BTNL2: variants seen among roughly 807,000 people sequenced by gnomAD.
The protein encoded by BTNL2 is butyrophilin-like protein 2.
In BTNL2, 46 loss-of-function variants were observed where a neutral mutation model predicts 46.8. The ratio of observed to expected loss-of-function variants is 0.98; its 90% CI spans 0.78 to 1.26. BTNL2 has a LOEUF of 1.26. Among genes scored for constraint, BTNL2 ranks in the 50% most tolerant of loss-of-function variants. BTNL2 has a pLI of 0.00. For synonymous variants in BTNL2, 226 were observed against 229.1 expected (o/e 0.99, Z 0.12); for missense variants, 461 against 592.6 (o/e 0.78, Z 2.31).
Position 32,400,594 on chromosome 6 carries a change from A to G in BTNL2, c.730+1191T>C, listed in dbSNP as rs9391859. Among the ~76,000 whole-genome samples, 417 of 152,058 alleles carry G rather than the reference A, an allele frequency of 2.7e-3. 16 individuals are homozygous for G. In the East Asian group the frequency reaches 0.079, roughly 29 times the overall value. ...TCAGGTGCAGCAAAATAATACCCTC[A>G]GTCCAACTCCGAGATTTAAAAAACA... On this transcript the variant is annotated intron_variant, in intron 4 of 7. Coordinates refer to ENST00000454136, the MANE Select transcript of BTNL2 (RefSeq NM_001304561.2).
At chr6:32,401,165 G>A (rs187095086) in intron 4 of BTNL2, among the ~76,000 whole-genome samples, 2,569 of 119,438 alleles carry the variant, frequency 0.022, 69 homozygotes, top group South Asian at 0.072. Context: ...CCAAGATCGC[G>A]CCACTGCACT....
In BTNL2 at chr6:32,404,939, C is replaced by T. The variant is rs755843128; in HGVS notation, c.427G>A (p.Gly143Ser). 3.3e-5 allele frequency: 53 copies of T among 1,611,370 alleles called. No individual in the cohort carries two copies. The highest frequency in any genetic ancestry group is 4.0e-5 in the Non-Finnish European group (47 of 1,178,602). ...CCTGTGTCTTTCCCCAGATATTCAC[C>T]TGCTACTTTGAGCAGCAAGCTTGTT... ...GETSLLLKVA[G>S]LGSAPSIHME... is the part of the protein sequence containing the mutation. Residue 143 changes from glycine to serine, a missense_variant and splice_region_variant, in exon 2 of 8, where the codon GGT becomes AGT. Gly to Ser is a moderately conservative substitution (Grantham distance 56). Transcript: ENST00000454136.
rs1483837244 is a variant in BTNL2, at chr6:32,394,436, T to C, written c.1360+308A>G. 6.6e-6 allele frequency among the ~76,000 whole-genome samples: 1 copy of C among 151,956 alleles called. No individual in the cohort carries two copies. The highest frequency in any genetic ancestry group is 1.5e-5 in the Non-Finnish European group (1 of 68,020). ...AGGGGGAAAACACAAAGTTCTGTAA[T>C]TTAATTGTTTTCACATCAGAAGAAG... On this transcript the variant is annotated intron_variant, in intron 6 of 7. Coordinates refer to ENST00000454136, the MANE Select transcript of BTNL2 (RefSeq NM_001304561.2). The surrounding 1 kb of genome is among the most constrained non-coding windows in gnomAD (Gnocchi z 4.6).
intron 3 of BTNL2, among the ~76,000 whole-genome samples, chr6:32,402,035 T>G (rs1391342625): frequency 1.3e-5 from 2 of 152,246 alleles, no homozygotes; most frequent in African/African-American, 4.8e-5. Flanking sequence ...CCCATGATTC[T>G]GTTGGTTTCT....
Position 32,394,096 on chromosome 6 carries a change from C to G in BTNL2, c.1361-39G>C. 6.5e-7 allele frequency: 1 copy of G among 1,547,058 alleles called. No homozygotes were observed. The highest frequency in any genetic ancestry group is 8.7e-7 in the Non-Finnish European group (1 of 1,144,708). On this transcript the variant is annotated intron_variant, in intron 6 of 7. Coordinates refer to ENST00000454136, the MANE Select transcript of BTNL2 (RefSeq NM_001304561.2). This position sits in a 1 kb window ranked among gnomAD's most constrained non-coding sequence, Gnocchi z 4.6. Reference sequence around the variant, plus strand: ...CCAAGAATCCCTTGAAACTGTGAAACTGGGACAATATTAAGATTGTACTTT... The same window carrying G: ...CCAAGAATCCCTTGAAACTGTGAAAGTGGGACAATATTAAGATTGTACTTT...
At chr6:32,402,896 C>CA in intron 3 of BTNL2, 39 bp downstream of exon 3, 6 of 1,597,610 alleles carry the variant, frequency 3.8e-6, no homozygotes, top group Non-Finnish European at 5.1e-6. Context: ...ACCTCTCCTG[C>CA]TGATCTGAGC....
chr6:32,404,266 G>C (rs572757804), intron 2 of BTNL2, among the ~76,000 whole-genome samples: 1 of 152,316 alleles, frequency 6.6e-6, no homozygotes, highest in East Asian at 1.9e-4. Flanking sequence ...AGTTAGCCCT[G>C]TCAGGGAATC....
chr6:32,406,694 CTA>C lies in BTNL2; in HGVS notation c.79+349_79+350del, dbSNP rs149474621. On this transcript the variant is annotated intron_variant, in intron 1 of 7. Coordinates refer to ENST00000454136, the MANE Select transcript of BTNL2 (RefSeq NM_001304561.2). ...AGCTGCATTTCTTGACCCCAAAGTA[CTA>C]GAGTGAATTAATAATTTAACGTGGT... 1,616 of 163,014 alleles carry C rather than the reference CTA, an allele frequency of 9.9e-3. 71 individuals carry two copies. The East Asian group carries it at 0.15, about 15-fold the overall frequency. 10.1% of individuals were successfully genotyped at this position (163,014 alleles called of 1,614,324 possible).
intron 2 of BTNL2, 150 bp downstream of exon 2, chr6:32,404,789 A>G (rs1777012610): frequency 2.7e-6 from 2 of 754,140 alleles, no homozygotes; most frequent in African/African-American, 3.5e-5. Flanking sequence ...AGACTCCAGA[A>G]CCACTTATTT....
At position 32,393,672 on chromosome 6, in the gene BTNL2, C is replaced by A. The variant is rs17202379; in HGVS notation, c.*7-283G>T. The A allele has an allele frequency of 0.1, 25,470 of 245,148 alleles. 1,770 individuals carry two copies. Among genetic ancestry groups the A allele is most frequent in the African/African-American group, 0.12 (5,542 of 44,348 alleles). The allele number at this position is 245,148 out of a possible 1,614,324, so 15.2% of individuals were successfully genotyped here. On this transcript the variant is annotated intron_variant, in intron 7 of 7. Transcript: ENST00000454136. This position sits in a 1 kb window ranked among gnomAD's most constrained non-coding sequence, Gnocchi z 4.8. Reference sequence around the variant, plus strand: ...TGAAAACAAGGATGGCTGTACTACTCACTTTTTTCTTCTTCTTCCCTAACC... The same window carrying A: ...TGAAAACAAGGATGGCTGTACTACTAACTTTTTTCTTCTTCTTCCCTAACC...
chr6:32,401,207 CAAAAAAAAAAAAAAAAAAAA>C (rs9279632), intron 4 of BTNL2, among the ~76,000 whole-genome samples: 6 of 38,918 alleles, frequency 1.5e-4, no homozygotes, highest in Admixed American at 4.8e-4. Flanking sequence ...GACTCCGTCT[CAAAAAAAAAAAAAAAAAAAA>C]AAAAAAAAAA....
At chr6:32,401,195 A>T (rs867516198) in intron 4 of BTNL2, among the ~76,000 whole-genome samples, 1 of 129,598 alleles carries the variant, frequency 7.7e-6, no homozygotes. Flanking sequence ...GCGACAGAGC[A>T]AGACTCCGTC....
Position 32,396,321 on chromosome 6 carries a change from T to G in BTNL2, c.796A>C (p.Thr266Pro). The change falls in exon 5 of 8, where the codon ACC becomes CCC. Residue 266 changes from threonine (T) to proline (P), a missense_variant. Physicochemically the swap from Thr to Pro is conservative, Grantham distance 38. Coordinates refer to ENST00000454136, the MANE Select transcript of BTNL2 (RefSeq NM_001304561.2). The surrounding 1 kb of genome is among the most constrained non-coding windows in gnomAD (Gnocchi z 4.4). ...LVRVGEDIQL[T>P]CYLSPKANAQ... ...TTCGCCTTGGGGGACAGGTAACAGG[T>G]TAGCTGTATATCTTCTCCCACTCTG... 1 of 1,612,758 alleles carries G rather than the reference T, an allele frequency of 6.2e-7. No individual in the cohort carries two copies. Among genetic ancestry groups the G allele is most frequent in the African/African-American group, 1.3e-5 (1 of 75,034 alleles).
Position 32,401,821 on chromosome 6 carries a change from G to C in BTNL2, c.710-16C>G. 1.9e-6 allele frequency: 3 copies of C among 1,604,036 alleles called. No homozygotes were observed. Among genetic ancestry groups the C allele is most frequent in the Non-Finnish European group, 2.6e-6 (3 of 1,175,412 alleles). ...TGGAGTTTCTCTGGAAAAAGAACAA[G>C]AATAACATATTAAGGAATTTGGTGT... On this transcript the variant is annotated splice_polypyrimidine_tract_variant and intron_variant, in intron 3 of 7. Transcript: ENST00000454136.
At chr6:32,401,379 T>C (rs1776776199) in intron 4 of BTNL2, among the ~76,000 whole-genome samples, 1 of 151,830 alleles carries the variant, frequency 6.6e-6, no homozygotes, top group Non-Finnish European at 1.5e-5. Flanking sequence ...AGGTGCTGGG[T>C]GCAACCCAGG....
intron 4 of BTNL2, among the ~76,000 whole-genome samples, chr6:32,400,745 T>TAAAAAAAAAAAA (rs55703731): frequency 7.3e-5 from 6 of 82,148 alleles, no homozygotes; most frequent in Non-Finnish European, 1.3e-4. Context: ...CCGTCTCTAC[T>TAAAAAAAAAAAA]AAAAAAAAAA....
At chr6:32,403,485 G>A (rs940146199) in intron 2 of BTNL2, among the ~76,000 whole-genome samples, 1 of 152,222 alleles carries the variant, frequency 6.6e-6, no homozygotes, top group African/African-American at 2.4e-5. Context: ...ATGACATTTT[G>A]CAACGCCTCT....
At chr6:32,402,880 C>T in intron 3 of BTNL2, 55 bp downstream of exon 3, 1 of 1,571,842 alleles carries the variant, frequency 6.4e-7, no homozygotes, top group South Asian at 1.1e-5. Context: ...TGGTGCAGTC[C>T]CTGGGACCTC....
chr6:32,396,752 G>A lies in BTNL2; in HGVS notation c.731-366C>T, dbSNP rs1346716228. Reference sequence around the variant, plus strand: ...TCCCAGCACTTTGGGAGGCCGAAGCGGGTGGATCACCAGAGGTCAGGAGTT... The same window carrying A: ...TCCCAGCACTTTGGGAGGCCGAAGCAGGTGGATCACCAGAGGTCAGGAGTT... On this transcript the variant is annotated intron_variant, in intron 4 of 7. Coordinates refer to ENST00000454136, the MANE Select transcript of BTNL2 (RefSeq NM_001304561.2). The surrounding 1 kb of genome is among the most constrained non-coding windows in gnomAD (Gnocchi z 4.4). Among the ~76,000 whole-genome samples, 1 of 152,058 alleles carries A rather than the reference G, an allele frequency of 6.6e-6. No homozygotes were observed. Among genetic ancestry groups the A allele is most frequent in the Non-Finnish European group, 1.5e-5 (1 of 68,016 alleles).
Sources: allele counts gnomAD v4.1 joint callset (sites outside exome capture counted in the v4.1 genomes callset), GRCh38; gene constraint gnomAD v4.1.1; non-coding constraint Gnocchi (gnomAD v3.1); transcripts MANE v1.5; gene names NCBI Gene and HGNC (gene_info 2026-07-23, HGNC 2026-07-21).